Variants in ARHGEF28 observed in about 807,000 individuals in gnomAD.
ARHGEF28 encodes 190 kDa guanine nucleotide exchange factor.
Under a neutral mutation model 206.6 loss-of-function variants are expected in ARHGEF28, and 152 were observed. The ratio of observed to expected loss-of-function variants is 0.74; its 90% CI spans 0.64 to 0.84. The LOEUF (loss-of-function observed/expected upper bound fraction) is 0.84. Among genes scored for constraint, ARHGEF28 ranks in the 40% least tolerant of loss-of-function variants. The pLI, the probability that ARHGEF28 is intolerant of heterozygous loss-of-function variation, is 0.00. For synonymous variants in ARHGEF28, 763 were observed against 776.4 expected, an observed-to-expected ratio of 0.98 and a Z score of 0.29; for missense variants, 2,028 against 2,073.2, an observed-to-expected ratio of 0.98 and a Z score of 0.42.
chr5:73,764,662 A>G (rs1242079136), intron 4 of ARHGEF28, among the ~76,000 whole-genome samples: 2 of 152,214 alleles, frequency 1.3e-5, no homozygotes, highest in African/African-American at 2.4e-5. Context: ...TGCTTGTTTC[A>G]GTCCTCCTCC....
chr5:73,731,046 A>T (rs944312684), intron 2 of ARHGEF28, among the ~76,000 whole-genome samples: 5 of 151,372 alleles, frequency 3.3e-5, no homozygotes, highest in Admixed American at 6.6e-5. Context: ...TTATGCAGAA[A>T]AGTAGAAAAT....
intron 35 of ARHGEF28, among the ~76,000 whole-genome samples, chr5:73,918,321 G>T (rs1763327853): frequency 6.6e-6 from 1 of 152,208 alleles, no homozygotes; most frequent in Admixed American, 6.5e-5. Context: ...GTGTTCCAGT[G>T]AACTTTCTAA....
chr5:73,908,935 T>C (rs923535761), intron 33 of ARHGEF28: 2 of 152,826 alleles, frequency 1.3e-5, no homozygotes, highest in African/African-American at 4.8e-5. Context: ...CATAATGCAA[T>C]GTAGCTCAAG....
intron 35 of ARHGEF28, among the ~76,000 whole-genome samples, chr5:73,937,849 A>T (rs1255887999): frequency 1.3e-5 from 2 of 152,178 alleles, no homozygotes; most frequent in African/African-American, 2.4e-5. Context: ...TGAGAAATAT[A>T]CAATTGCTGT....
intron 31 of ARHGEF28, chr5:73,903,939 C>A (rs1762408672): frequency 2.2e-6 from 1 of 449,778 alleles, no homozygotes; most frequent in Non-Finnish European, 3.9e-6. Context: ...CTTGAGTTTT[C>A]AGGGTGTCCT....
At chr5:73,666,431 G>A (rs1043831352) in intron 1 of ARHGEF28, among the ~76,000 whole-genome samples, 3 of 152,134 alleles carry the variant, frequency 2.0e-5, no homozygotes, top group Admixed American at 6.6e-5. Flanking sequence ...GACTCTACTC[G>A]GAATTACCCT....
chr5:73,735,016 A>G (rs1384045759), intron 2 of ARHGEF28, among the ~76,000 whole-genome samples: 1 of 152,018 alleles, frequency 6.6e-6, no homozygotes, highest in Non-Finnish European at 1.5e-5. Context: ...TCTTCTGTAA[A>G]ATGAGGGTAC....
chr5:73,753,341 C>T, intron 4 of ARHGEF28, 139 bp downstream of exon 4: 1 of 861,250 alleles, frequency 1.2e-6, no homozygotes, highest in Non-Finnish European at 1.7e-6. Context: ...GGAGGGGCTC[C>T]CTGAGGTCCT....
At chr5:73,788,821 T>G (rs1754304498) in intron 7 of ARHGEF28, among the ~76,000 whole-genome samples, 1 of 152,208 alleles carries the variant, frequency 6.6e-6, no homozygotes, top group African/African-American at 2.4e-5. Flanking sequence ...AACTGTATAA[T>G]GATTTAGAGC....
At chr5:73,759,145 T>G (rs1322702766) in intron 4 of ARHGEF28, among the ~76,000 whole-genome samples, 1 of 2,814 alleles carries the variant, frequency 3.6e-4, no homozygotes, top group Non-Finnish European at 6.3e-4. Context: ...CAGGACCCAC[T>G]GAGGGTGGCT....
intron 1 of ARHGEF28, among the ~76,000 whole-genome samples, chr5:73,632,232 GCTC>G (rs763274392): frequency 4.6e-5 from 7 of 152,180 alleles, no homozygotes; most frequent in Non-Finnish European, 8.8e-5. Flanking sequence ...GGCAAAGTTT[GCTC>G]AGGAATTAGA....
chr5:73,669,690 AT>A, intron 1 of ARHGEF28, among the ~76,000 whole-genome samples: 1 of 8,740 alleles, frequency 1.1e-4, no homozygotes, highest in South Asian at 2.6e-3. Flanking sequence ...GTTTTACTTT[AT>A]TTATTTATTT....
chr5:73,646,955 C>T lies in ARHGEF28; in HGVS notation c.-12+20633C>T, dbSNP rs374988061. Among the ~76,000 whole-genome samples, 248 of 152,286 alleles carry T rather than the reference C, an allele frequency of 1.6e-3. 2 individuals are homozygous for T. The highest frequency in any genetic ancestry group is 5.7e-3 in the African/African-American group (237 of 41,556). ...TATTGGTGTGGTGGCAGCTGGCTCA[C>T]CACCACTTGTCTGCGTCTTGCCAGT... On this transcript the variant is annotated intron_variant, in intron 1 of 35. Coordinates refer to ENST00000513042, the MANE Select transcript of ARHGEF28 (RefSeq NM_001177693.2).
chr5:73,729,108 C>T (rs1750453324), intron 2 of ARHGEF28, among the ~76,000 whole-genome samples: 1 of 152,156 alleles, frequency 6.6e-6, no homozygotes, highest in Non-Finnish European at 1.5e-5. Context: ...GTAGCTGCAT[C>T]GCTGTGAGGA....
chr5:73,787,854 A>T (rs6863051), intron 7 of ARHGEF28, among the ~76,000 whole-genome samples: 19,592 of 152,164 alleles, frequency 0.13, 1,959 homozygotes, highest in African/African-American at 0.26. Context: ...TATGGATAGG[A>T]TATCATGATG....
chr5:73,786,043 T>C (rs2112470272), intron 7 of ARHGEF28, among the ~76,000 whole-genome samples: 1 of 147,636 alleles, frequency 6.8e-6, no homozygotes, highest in African/African-American at 2.5e-5. Flanking sequence ...CAGCCACTGT[T>C]CTTGGCAGTA....
At chr5:73,701,257 G>A (rs1407766090) in intron 2 of ARHGEF28, among the ~76,000 whole-genome samples, 2 of 152,162 alleles carry the variant, frequency 1.3e-5, no homozygotes, top group Non-Finnish European at 2.9e-5. Context: ...TTTTAAAAAG[G>A]TATTTATGCA....
chr5:73,886,218 T>C (rs1761285277), intron 25 of ARHGEF28, 114 bp downstream of exon 25: 9 of 1,300,954 alleles, frequency 6.9e-6, no homozygotes, highest in Middle Eastern at 2.1e-4. Flanking sequence ...GCGCAAACCC[T>C]GGGTCAGTTG....
intron 3 of ARHGEF28, among the ~76,000 whole-genome samples, chr5:73,751,224 A>G (rs1329393556): frequency 6.6e-6 from 1 of 152,220 alleles, no homozygotes; most frequent in Non-Finnish European, 1.5e-5. Flanking sequence ...AGCCTGGCCA[A>G]CGTGGGGAAA....
Sources: allele counts gnomAD v4.1 joint callset (sites outside exome capture counted in the v4.1 genomes callset), GRCh38; gene constraint gnomAD v4.1.1; transcripts MANE v1.5; gene names NCBI Gene and HGNC (gene_info 2026-07-23, HGNC 2026-07-21).